CALN1: variants seen among roughly 807,000 people sequenced by gnomAD.
CALN1 encodes calneuron 1.
Under a neutral mutation model 30.6 loss-of-function variants are expected in CALN1, and 17 were observed. The ratio of observed to expected loss-of-function variants is 0.56; its 90% CI spans 0.38 to 0.83. CALN1 has a LOEUF of 0.83. Ranked by LOEUF, CALN1 falls within the 40% of genes least tolerant of loss-of-function variation. The pLI is 0.00. For synonymous variants in CALN1, 156 were observed against 131.4 expected (o/e 1.19, Z -1.28); for missense variants, 291 against 354.9 (o/e 0.82, Z 1.45).
At chr7:72,407,419 G>A (rs1297192116) in intron 1 of CALN1, among the ~76,000 whole-genome samples, 2 of 152,224 alleles carry the variant, frequency 1.3e-5, no homozygotes, top group Non-Finnish European at 2.9e-5. Context: ...CTGGTAACAG[G>A]TGACTGGATC....
chr7:72,186,847 A>C (rs1790226657), intron 3 of CALN1, among the ~76,000 whole-genome samples: 1 of 131,902 alleles, frequency 7.6e-6, no homozygotes, highest in African/African-American at 2.8e-5. Context: ...TGACTTTGCT[A>C]TTGTGAATAG....
rs202021863 is a variant in CALN1, at chr7:71,919,112, G to A, written c.501+104545C>T. On this transcript the variant is annotated intron_variant, in intron 5 of 6. Transcript: ENST00000395275. ...AGCCAATTCTATAAATAAGCAATGA[G>A]GGCTGTCTTTGCCATCACCACCTAA... Among the ~76,000 whole-genome samples the A allele has an allele frequency of 5.3e-5, 8 of 152,078 alleles. No homozygotes were observed. The East Asian group carries it at 1.2e-3, about 22-fold the overall frequency.
chr7:71,889,821 G>C (rs141232500), intron 5 of CALN1, among the ~76,000 whole-genome samples: 48 of 152,264 alleles, frequency 3.2e-4, no homozygotes, highest in African/African-American at 1.1e-3. Flanking sequence ...CATATGTGGT[G>C]GCACACGCCT....
intron 3 of CALN1, among the ~76,000 whole-genome samples, chr7:72,181,880 C>T (rs1301165325): frequency 6.6e-6 from 1 of 152,168 alleles, no homozygotes. Context: ...ATCTCTATCA[C>T]GAGCATTTAC....
intron 5 of CALN1, among the ~76,000 whole-genome samples, chr7:71,991,878 T>C (rs970646932): frequency 6.6e-6 from 1 of 151,912 alleles, no homozygotes; most frequent in African/African-American, 2.4e-5. Flanking sequence ...GTTGTAAAAA[T>C]AAGTAATTCA....
Position 71,847,705 on chromosome 7 carries a change from G to GAAGAA in CALN1, c.502-37218_502-37214dup, listed in dbSNP as rs1470205361. 4.6e-5 allele frequency among the ~76,000 whole-genome samples: 5 copies of GAAGAA among 109,250 alleles called. No individual in the cohort carries two copies. The South Asian group carries it at 1.4e-3, about 31-fold the overall frequency. The allele number at this position is 109,250 out of a possible 152,430, so 71.7% of individuals were successfully genotyped here. A position where few individuals can be genotyped will look rare whatever the true frequency, so the allele number is the denominator to read the frequency against. ...AAAAAAAAAAAGGAGGAAGAAGAAA[G>GAAGAA]AAGAAAGAAGAAAGAAGAAGAAAGA... On this transcript the variant is annotated intron_variant, in intron 5 of 6. Coordinates refer to ENST00000395275, the MANE Select transcript of CALN1 (RefSeq NM_031468.4).
intron 4 of CALN1, among the ~76,000 whole-genome samples, chr7:72,034,138 G>A (rs1244849606): frequency 6.6e-6 from 1 of 151,564 alleles, no homozygotes; most frequent in Non-Finnish European, 1.5e-5. Context: ...CGTATCACAA[G>A]GTCAGGAGAT....
chr7:72,313,815 G>A (rs1800228759), intron 2 of CALN1, among the ~76,000 whole-genome samples: 2 of 152,208 alleles, frequency 1.3e-5, no homozygotes, highest in African/African-American at 2.4e-5. Context: ...AAAGAACAGA[G>A]AGGCAAGGGA....
intron 3 of CALN1, among the ~76,000 whole-genome samples, chr7:72,121,394 A>T (rs1298355916): frequency 6.8e-6 from 1 of 146,096 alleles, no homozygotes; most frequent in Non-Finnish European, 1.5e-5. Flanking sequence ...TATAATATAG[A>T]TGTTATATAA....
intron 3 of CALN1, among the ~76,000 whole-genome samples, chr7:72,224,278 C>T (rs144425785): frequency 1.3e-5 from 2 of 151,922 alleles, no homozygotes; most frequent in East Asian, 3.9e-4. Flanking sequence ...AGGTAAAATG[C>T]AAAGGAAACA....
chr7:72,209,418 CTCTT>C (rs1792211895), intron 3 of CALN1, among the ~76,000 whole-genome samples: 1 of 86,978 alleles, frequency 1.1e-5, no homozygotes, highest in African/African-American at 7.3e-5. Context: ...CCCTCCTTCC[CTCTT>C]TCCTTCCCTC....
At chr7:72,130,530 T>C (rs1371033876) in intron 3 of CALN1, among the ~76,000 whole-genome samples, 1 of 152,130 alleles carries the variant, frequency 6.6e-6, no homozygotes. Context: ...ATTGTGGTTT[T>C]TGCCATTAAA....
chr7:71,834,348 TAAAAAAAAAA>T (rs60091117), intron 5 of CALN1, among the ~76,000 whole-genome samples: 2 of 89,830 alleles, frequency 2.2e-5, no homozygotes, highest in African/African-American at 4.5e-5. Flanking sequence ...CGATCCACCC[TAAAAAAAAAA>T]AAAAAAAAAA....
intron 3 of CALN1, among the ~76,000 whole-genome samples, chr7:72,222,016 A>T (rs1487106429): frequency 6.6e-6 from 1 of 152,048 alleles, no homozygotes; most frequent in East Asian, 1.9e-4. Context: ...ATTTGGGCTC[A>T]GGTGTTTGAG....
chr7:72,058,310 C>CTTTTTTT (rs3065011), intron 4 of CALN1, among the ~76,000 whole-genome samples: 8,345 of 70,770 alleles, frequency 0.12, 1,584 homozygotes, highest in Non-Finnish European at 0.16. Flanking sequence ...AAGCTGGAAT[C>CTTTTTTT]TTTTTTTTTT....
intron 5 of CALN1, among the ~76,000 whole-genome samples, chr7:71,983,955 G>GA (rs1341098051): frequency 6.6e-6 from 1 of 151,750 alleles, no homozygotes; most frequent in African/African-American, 2.4e-5. Flanking sequence ...AATTATGATC[G>GA]AAAAAAACAG....
intron 5 of CALN1, among the ~76,000 whole-genome samples, chr7:71,945,441 G>A (rs1208848378): frequency 2.6e-5 from 4 of 152,338 alleles, no homozygotes; most frequent in South Asian, 2.1e-4. Flanking sequence ...GCCAGTGCTC[G>A]AGAGCAGGGC....
chr7:71,999,972 A>G (rs1799445639), intron 5 of CALN1, among the ~76,000 whole-genome samples: 1 of 152,220 alleles, frequency 6.6e-6, no homozygotes, highest in Non-Finnish European at 1.5e-5. Context: ...AGACACCAGG[A>G]AAACCTCTAA....
intron 1 of CALN1, among the ~76,000 whole-genome samples, chr7:72,425,816 CCT>C (rs1305463532): frequency 6.6e-6 from 1 of 152,214 alleles, no homozygotes; most frequent in Non-Finnish European, 1.5e-5. Flanking sequence ...TGAATCCAGG[CCT>C]CTCTGCACAC....
Sources: gnomAD v4.1 joint callset for allele counts (sites outside exome capture counted in the v4.1 genomes callset) on GRCh38, gnomAD v4.1.1 for gene constraint, MANE v1.5 for transcripts, NCBI Gene and HGNC (gene_info 2026-07-23, HGNC 2026-07-21) for gene names.